KCNIP4: variants seen among roughly 807,000 people sequenced by gnomAD.
KCNIP4 encodes potassium voltage-gated channel interacting protein 4.
A neutral mutation model predicts 34.0 loss-of-function variants in KCNIP4; 12 were observed. The observed-to-expected ratio is 0.35, with a 90% CI of 0.23 to 0.57. The LOEUF is 0.57. Ranked by LOEUF, KCNIP4 falls within the 20% of genes least tolerant of loss-of-function variation. KCNIP4 has a pLI of 0.83. For synonymous variants in KCNIP4, 124 were observed against 102.2 expected (o/e 1.21, Z -1.29); for missense variants, 238 against 311.7 (o/e 0.76, Z 1.78).
At chr4:21,595,563 C>A (rs1209462008) in intron 1 of KCNIP4, among the ~76,000 whole-genome samples, 1 of 152,002 alleles carries the variant, frequency 6.6e-6, no homozygotes, top group Non-Finnish European at 1.5e-5. Context: ...TGAGGAATGC[C>A]ACACTGTCTT....
chr4:21,033,841 G>A (rs1388126364), intron 1 of KCNIP4, among the ~76,000 whole-genome samples: 1 of 152,148 alleles, frequency 6.6e-6, no homozygotes, highest in Admixed American at 6.5e-5. Context: ...ATAGTAATAA[G>A]CAAGCATTCT....
intron 1 of KCNIP4, among the ~76,000 whole-genome samples, chr4:21,297,995 A>AT (rs1361492773): frequency 6.6e-6 from 1 of 152,164 alleles, no homozygotes; most frequent in African/African-American, 2.4e-5. Flanking sequence ...ATTGGAATTA[A>AT]TCTAGACTCC....
intron 1 of KCNIP4, among the ~76,000 whole-genome samples, chr4:21,538,149 C>A (rs1453868778): frequency 6.6e-6 from 1 of 151,378 alleles, no homozygotes; most frequent in Non-Finnish European, 1.5e-5. Flanking sequence ...CTAAGGATTA[C>A]CACCAACCAT....
intron 1 of KCNIP4, among the ~76,000 whole-genome samples, chr4:21,264,891 T>A (rs924869567): frequency 1.3e-5 from 2 of 151,700 alleles, no homozygotes; most frequent in Non-Finnish European, 2.9e-5. Context: ...TTAGGTCAGG[T>A]GTTCGAGACC....
At chr4:21,022,195 T>G (rs1056178047) in intron 1 of KCNIP4, among the ~76,000 whole-genome samples, 4 of 152,202 alleles carry the variant, frequency 2.6e-5, no homozygotes, top group Non-Finnish European at 5.9e-5. Context: ...TTAAATTAAT[T>G]TCAATTGCTG....
At chr4:20,943,690 GTC>G (rs1731894885) in intron 1 of KCNIP4, among the ~76,000 whole-genome samples, 1 of 152,078 alleles carries the variant, frequency 6.6e-6, no homozygotes, top group Admixed American at 6.6e-5. Flanking sequence ...AACCCCAGGT[GTC>G]TCTAATAGTT....
In KCNIP4 at chr4:21,717,578, A is replaced by T. The variant is rs141152106; in HGVS notation, c.61+230993T>A. ...AATAAAACCCATCTTGCAAGTTATG[A>T]CCACCTATATTCAAATGGTAGCCTA... On this transcript the variant is annotated intron_variant, in intron 1 of 8. Transcript: ENST00000382152. Among the ~76,000 whole-genome samples the T allele has an allele frequency of 8.6e-3, 1,307 of 152,284 alleles. 15 individuals carry two copies. Among genetic ancestry groups the T allele is most frequent in the African/African-American group, 0.029 (1,215 of 41,552 alleles).
At chr4:21,919,718 A>G (rs1728835197) in intron 1 of KCNIP4, among the ~76,000 whole-genome samples, 1 of 152,182 alleles carries the variant, frequency 6.6e-6, no homozygotes, top group Non-Finnish European at 1.5e-5. Flanking sequence ...AAGGGTGAGA[A>G]TATCAGGGGT....
At chr4:20,857,587 A>T (rs1418073211) in intron 2 of KCNIP4, among the ~76,000 whole-genome samples, 1 of 152,162 alleles carries the variant, frequency 6.6e-6, no homozygotes, top group Non-Finnish European at 1.5e-5. Context: ...TCTCCTATGC[A>T]TATATATGGG....
At chr4:21,303,729 G>A in intron 1 of KCNIP4, 1 of 1,113,164 alleles carries the variant, frequency 9.0e-7, no homozygotes, top group Non-Finnish European at 1.3e-6. Context: ...CTCATTTCAG[G>A]TGCCTCTTAC....
chr4:20,896,429 A>C (rs1207638382), intron 1 of KCNIP4, among the ~76,000 whole-genome samples: 2 of 152,212 alleles, frequency 1.3e-5, no homozygotes, highest in East Asian at 1.9e-4. Context: ...CAATTAGTTA[A>C]TATAAAGTTA....
intron 1 of KCNIP4, among the ~76,000 whole-genome samples, chr4:21,624,485 T>G (rs1745195680): frequency 6.6e-6 from 1 of 152,160 alleles, no homozygotes; most frequent in Admixed American, 6.6e-5. Flanking sequence ...ATTATATGAT[T>G]CATATTGATG....
chr4:20,969,801 G>A (rs1174841509), intron 1 of KCNIP4, among the ~76,000 whole-genome samples: 2 of 151,696 alleles, frequency 1.3e-5, no homozygotes, highest in Admixed American at 1.3e-4. Context: ...TGAAAAATCT[G>A]TAATCTAATG....
At chr4:21,499,346 A>AAAAAAAAAAAAAAAAAAAAC (rs1491409328) in intron 1 of KCNIP4, among the ~76,000 whole-genome samples, 3 of 148,750 alleles carry the variant, frequency 2.0e-5, no homozygotes, top group African/African-American at 7.5e-5. Flanking sequence ...AAAAAAAAAA[A>AAAAAAAAAAAAAAAAAAAAC]CAACTACATA....
At chr4:20,845,752 G>A (rs28425573) in intron 3 of KCNIP4, among the ~76,000 whole-genome samples, 54,583 of 151,998 alleles carry the variant, frequency 0.36, 10,296 homozygotes, top group Non-Finnish European at 0.42. Flanking sequence ...GAAACGGACT[G>A]CAAGTAGCCT....
At chr4:20,971,569 G>A (rs1577461717) in intron 1 of KCNIP4, among the ~76,000 whole-genome samples, 1 of 152,126 alleles carries the variant, frequency 6.6e-6, no homozygotes, top group South Asian at 2.1e-4. Flanking sequence ...AAAACAATGT[G>A]CAAACTGTAA....
intron 1 of KCNIP4, among the ~76,000 whole-genome samples, chr4:21,732,612 A>G (rs1715689978): frequency 6.6e-6 from 1 of 152,196 alleles, no homozygotes; most frequent in Non-Finnish European, 1.5e-5. Context: ...GATGCCTCCC[A>G]GAGCCTGCTC....
At chr4:21,305,926 AT>A (rs1712417699) in intron 1 of KCNIP4, among the ~76,000 whole-genome samples, 1 of 152,198 alleles carries the variant, frequency 6.6e-6, no homozygotes, top group African/African-American at 2.4e-5. Flanking sequence ...TGATAGCCAT[AT>A]GGGTATACAT....
chr4:21,306,792 T>C (rs1712509414), intron 1 of KCNIP4, among the ~76,000 whole-genome samples: 1 of 151,994 alleles, frequency 6.6e-6, no homozygotes, highest in South Asian at 2.1e-4. Context: ...GTTGATGACC[T>C]GGGGCTGAGA....
Sources: allele counts gnomAD v4.1 joint callset (sites outside exome capture counted in the v4.1 genomes callset), GRCh38; gene constraint gnomAD v4.1.1; transcripts MANE v1.5; gene names NCBI Gene and HGNC (gene_info 2026-07-23, HGNC 2026-07-21).